Variants in PUM1 observed in about 807,000 individuals in gnomAD.
PUM1 encodes the protein pumilio RNA binding family member 1.
PUM1 carries 13 observed loss-of-function variants against 131.8 expected under a neutral mutation model. The ratio of observed to expected loss-of-function variants is 0.10; its 90% CI spans 0.06 to 0.16. The LOEUF (loss-of-function observed/expected upper bound fraction) is 0.16. Among genes scored for constraint, PUM1 ranks in the 10% least tolerant of loss-of-function variants. The probability of loss-of-function intolerance (pLI) is 1.00; values close to 1 mark genes in which losing one functional copy is unlikely to be tolerated. For synonymous variants in PUM1, 509 were observed against 556.5 expected (o/e 0.91, Z 1.20); for missense variants, 961 against 1,512.4 (o/e 0.64, Z 6.05).
rs146969733 is a variant in PUM1, at chr1:30,969,042, G to A, written c.1507-550C>T. The stretch of plus-strand genomic sequence containing the variant: ...TAACAGGCCAGGCGTGGTGGCTCAC[G>A]CCTGTAATCCTAGCACTTTGGGAGG... On this transcript the variant is annotated intron_variant, in intron 10 of 21. Transcript: ENST00000426105. Among the ~76,000 whole-genome samples, 1,267 of 152,190 alleles carry A rather than the reference G, an allele frequency of 8.3e-3. 20 individuals are homozygous for A. The highest frequency in any genetic ancestry group is 0.028 in the African/African-American group (1,181 of 41,530).
chr1:30,971,491 T>G (rs1037380032), intron 10 of PUM1, among the ~76,000 whole-genome samples: 5 of 152,218 alleles, frequency 3.3e-5, no homozygotes, highest in African/African-American at 9.6e-5. Context: ...CAAAAATATA[T>G]GCATTTAGAG....
Position 30,932,746 on chromosome 1 carries a change from GT to G in PUM1, c.*464del, listed in dbSNP as rs1639012779. ...TTCTCAGGTTTTTTTGTTTTTGTTT[GT>G]TTTTTACTAAAATGAGGAGGTGGGG... On this transcript the variant is annotated 3_prime_UTR_variant, in exon 22 of 22. Transcript: ENST00000426105. 6.7e-6 allele frequency: 1 copy of G among 148,832 alleles called. No individual in the cohort carries two copies. The highest frequency in any genetic ancestry group is 2.1e-4 in the South Asian group (1 of 4,756). The allele number at this position is 148,832 out of a possible 1,614,324, so 9.2% of individuals were successfully genotyped here.
chr1:30,998,487 T>A (rs1057163240), intron 5 of PUM1, among the ~76,000 whole-genome samples: 2 of 151,932 alleles, frequency 1.3e-5, no homozygotes, highest in African/African-American at 4.8e-5. Flanking sequence ...AAAAAGTTTT[T>A]AAAAAAATTA....
chr1:31,055,802 T>TA (rs1374600858), intron 2 of PUM1, among the ~76,000 whole-genome samples: 2 of 152,174 alleles, frequency 1.3e-5, no homozygotes, highest in Admixed American at 6.6e-5. Flanking sequence ...AATCAGATCT[T>TA]AGAGCTCTGC....
At chr1:31,052,571 TG>T (rs1644137599) in intron 2 of PUM1, among the ~76,000 whole-genome samples, 1 of 151,944 alleles carries the variant, frequency 6.6e-6, no homozygotes, top group East Asian at 1.9e-4. Flanking sequence ...CTCACTATAT[TG>T]CCCAGGCTGG....
At chr1:30,952,545 T>C (rs1343040391) in intron 15 of PUM1, among the ~76,000 whole-genome samples, 182 bp from the exon 16 acceptor site, 3 of 152,108 alleles carry the variant, frequency 2.0e-5, no homozygotes, top group African/African-American at 7.2e-5. Flanking sequence ...TGAAGAGTTT[T>C]TAAATAGAGG....
At chr1:30,943,197 T>G (rs1639530123) in intron 18 of PUM1, among the ~76,000 whole-genome samples, 1 of 152,246 alleles carries the variant, frequency 6.6e-6, no homozygotes, top group African/African-American at 2.4e-5. Context: ...CTCAACATTA[T>G]GATTCCCATG....
intron 3 of PUM1, among the ~76,000 whole-genome samples, chr1:31,022,077 G>GAA (rs57578146): frequency 2.9e-5 from 4 of 139,852 alleles, no homozygotes; most frequent in Non-Finnish European, 3.2e-5. Context: ...TCCGAGCCTA[G>GAA]AAAAAAAAAA....
chr1:31,004,041 G>A (rs1052574383), intron 5 of PUM1, among the ~76,000 whole-genome samples: 2 of 152,076 alleles, frequency 1.3e-5, no homozygotes, highest in African/African-American at 2.4e-5. Flanking sequence ...TATCTTGATG[G>A]TTAAAGTCCA....
chr1:30,982,681 A>C (rs1286400246), intron 7 of PUM1, among the ~76,000 whole-genome samples: 1 of 152,088 alleles, frequency 6.6e-6, no homozygotes, highest in Non-Finnish European at 1.5e-5. Context: ...CATTCTAGCA[A>C]CTCAGCTTAA....
intron 3 of PUM1, among the ~76,000 whole-genome samples, chr1:31,010,073 A>G (rs1227782275): frequency 6.6e-6 from 1 of 152,078 alleles, no homozygotes; most frequent in African/African-American, 2.4e-5. Flanking sequence ...CATGAAGCAA[A>G]GTGCTATTAG....
At chr1:31,054,052 T>G (rs1644176254) in intron 2 of PUM1, among the ~76,000 whole-genome samples, 1 of 125,902 alleles carries the variant, frequency 7.9e-6, no homozygotes, top group African/African-American at 3.1e-5. Context: ...TGAGATCGCG[T>G]CACTGCACTC....
intron 9 of PUM1, among the ~76,000 whole-genome samples, chr1:30,979,518 C>T (rs969411486): frequency 6.6e-6 from 1 of 151,966 alleles, no homozygotes; most frequent in East Asian, 1.9e-4. Flanking sequence ...AACACCACCA[C>T]CCCCACCCCG....
In PUM1 at chr1:30,979,123, G is replaced by GA. The variant is rs1458958620; in HGVS notation, c.1354+938dup. On this transcript the variant is annotated intron_variant, in intron 9 of 21. Coordinates refer to ENST00000426105, the MANE Select transcript of PUM1 (RefSeq NM_001020658.2). Reference sequence around the variant, plus strand: ...TGTCTCCAAAAAAAAAAAAGAGAGAGAGAGAAAGAAAGAGAAAAAAAAAAA... The same window carrying GA: ...TGTCTCCAAAAAAAAAAAAGAGAGAGAAGAGAAAGAAAGAGAAAAAAAAAAA... Among the ~76,000 whole-genome samples the GA allele has an allele frequency of 2.0e-5, 3 of 146,690 alleles. No homozygotes were observed. The East Asian group carries it at 5.9e-4, about 29-fold the overall frequency.
intron 14 of PUM1, among the ~76,000 whole-genome samples, chr1:30,958,421 C>T (rs866553820): frequency 6.6e-6 from 1 of 152,128 alleles, no homozygotes; most frequent in African/African-American, 2.4e-5. Flanking sequence ...CACTTTTCTT[C>T]CAGGGCAAAT....
At chr1:30,944,064 TG>T (rs1416540937) in intron 18 of PUM1, among the ~76,000 whole-genome samples, 1 of 152,242 alleles carries the variant, frequency 6.6e-6, no homozygotes, top group Non-Finnish European at 1.5e-5. Flanking sequence ...TTATCTTTTT[TG>T]TTGTATAATT....
At chr1:31,044,809 T>TTTG (rs912895617) in intron 2 of PUM1, among the ~76,000 whole-genome samples, 5 of 151,962 alleles carry the variant, frequency 3.3e-5, no homozygotes, top group African/African-American at 4.8e-5. Context: ...TGTTTTGTTT[T>TTTG]TTGTTGTTGT....
chr1:30,933,404 G>A (rs558831623), intron 21 of PUM1, 62 bp from the exon 22 acceptor site: 75 of 1,500,416 alleles, frequency 5.0e-5, no homozygotes, highest in East Asian at 2.0e-4. Context: ...CAGGCTTCCC[G>A]GACATGCATT....
intron 17 of PUM1, among the ~76,000 whole-genome samples, chr1:30,945,748 A>G (rs559496607): frequency 2.0e-5 from 3 of 152,254 alleles, no homozygotes; most frequent in African/African-American, 7.2e-5. Flanking sequence ...CTGTAAAAAC[A>G]AAAAACAAAG....
Sources: gnomAD v4.1 joint callset for allele counts (sites outside exome capture counted in the v4.1 genomes callset) on GRCh38, gnomAD v4.1.1 for gene constraint, MANE v1.5 for transcripts, NCBI Gene and HGNC (gene_info 2026-07-23, HGNC 2026-07-21) for gene names.